GRHL2: variants seen among roughly 807,000 people sequenced by gnomAD.
The protein encoded by GRHL2 is grainyhead like transcription factor 2, also known as grainyhead-like protein 2 homolog.
A neutral mutation model predicts 83.8 loss-of-function variants in GRHL2; 21 were observed. That is an observed-to-expected ratio of 0.25 (90% confidence interval 0.18 to 0.36). The LOEUF (loss-of-function observed/expected upper bound fraction) is 0.36, where lower values mean the gene tolerates loss of function less well. Ranked by LOEUF, GRHL2 falls within the 10% of genes least tolerant of loss-of-function variation. The pLI is 1.00. For synonymous variants in GRHL2, 280 were observed against 278.9 expected, an observed-to-expected ratio of 1.00 and a Z score of -0.04; for missense variants, 623 against 781.8, an observed-to-expected ratio of 0.80 and a Z score of 2.42.
intron 4 of GRHL2, chr8:101,562,047 T>C: frequency 1.3e-6 from 1 of 765,708 alleles, no homozygotes. Context: ...GTTGTACCAT[T>C]TTCTCTTCCA....
chr8:101,663,614 A>AAAATAAATAAAT (rs147519589), intron 14 of GRHL2, among the ~76,000 whole-genome samples: 1,790 of 133,928 alleles, frequency 0.013, 21 homozygotes, highest in African/African-American at 0.041. Flanking sequence ...TCCATCTCAA[A>AAAATAAATAAAT]AAATAAATAA....
chr8:101,659,796 A>G (rs537806826), intron 14 of GRHL2, among the ~76,000 whole-genome samples: 3 of 152,296 alleles, frequency 2.0e-5, no homozygotes, highest in South Asian at 4.1e-4. Context: ...TCAACTGTAC[A>G]TTATTGAGTG....
At chr8:101,675,742 G>T in the GRHL2 span, among the ~76,000 whole-genome samples, 1 of 152,034 alleles carries the variant, frequency 6.6e-6, no homozygotes, top group African/African-American at 2.4e-5. Context: ...AAAAGAGCCC[G>T]CATTGCCAAG....
intron 14 of GRHL2, among the ~76,000 whole-genome samples, chr8:101,652,524 G>GTT (rs773720768): frequency 1.6e-4 from 14 of 88,800 alleles, no homozygotes; most frequent in South Asian, 1.3e-3. Flanking sequence ...TGTGTGTGGT[G>GTT]TGTGTGTGGT....
At chr8:101,521,477 T>C (rs957386684) in intron 1 of GRHL2, among the ~76,000 whole-genome samples, 1 of 152,198 alleles carries the variant, frequency 6.6e-6, no homozygotes, top group Non-Finnish European at 1.5e-5. Context: ...ATATTTTCTC[T>C]TGTAGCACCC....
At chr8:101,580,158 G>A (rs1812020249) in intron 7 of GRHL2, among the ~76,000 whole-genome samples, 1 of 152,010 alleles carries the variant, frequency 6.6e-6, no homozygotes, top group Non-Finnish European at 1.5e-5. Flanking sequence ...GCTAAAGCAA[G>A]GGTTCTTTTT....
At chr8:101,499,457 A>G (rs1338372978) in intron 1 of GRHL2, among the ~76,000 whole-genome samples, 1 of 144,008 alleles carries the variant, frequency 6.9e-6, no homozygotes, top group East Asian at 2.0e-4. Flanking sequence ...TTTTCCTCCC[A>G]TATTAACTTG....
intron 7 of GRHL2, among the ~76,000 whole-genome samples, chr8:101,580,685 TTTTTATTTATTTTA>T (rs1281896943): frequency 7.9e-5 from 12 of 152,160 alleles, no homozygotes; most frequent in African/African-American, 2.2e-4. Context: ...ACCATTTTTA[TTTTTATTTATTTTA>T]TTTTATTTAT....
intron 13 of GRHL2, among the ~76,000 whole-genome samples, chr8:101,647,730 A>G (rs558038591): frequency 2.1e-4 from 26 of 124,352 alleles, no homozygotes; most frequent in Admixed American, 8.9e-4. Flanking sequence ...ATACCTGTTC[A>G]TTATTTTCTT....
intron 11 of GRHL2, among the ~76,000 whole-genome samples, chr8:101,634,440 A>G (rs936393542): frequency 1.3e-5 from 2 of 152,190 alleles, no homozygotes; most frequent in African/African-American, 4.8e-5. Context: ...AGGCAGTGCC[A>G]TGGCCTTAGA....
At chr8:101,609,293 G>A (rs1389028128) in intron 8 of GRHL2, among the ~76,000 whole-genome samples, 1 of 150,428 alleles carries the variant, frequency 6.6e-6, no homozygotes, top group Non-Finnish European at 1.5e-5. Flanking sequence ...TCAAACTGTG[G>A]TCCTCAACAA....
chr8:101,676,887 A>C, the GRHL2 span, among the ~76,000 whole-genome samples: 1 of 152,150 alleles, frequency 6.6e-6, no homozygotes, highest in Non-Finnish European at 1.5e-5. Flanking sequence ...AGCTATAAAA[A>C]ATGATGAGTT....
intron 7 of GRHL2, among the ~76,000 whole-genome samples, chr8:101,585,594 T>C (rs1311208068): frequency 6.6e-6 from 1 of 152,192 alleles, no homozygotes; most frequent in Non-Finnish European, 1.5e-5. Flanking sequence ...CATCCGCCCT[T>C]GCTGTTATCA....
At chr8:101,525,348 G>T (rs1443748395) in intron 1 of GRHL2, among the ~76,000 whole-genome samples, 1 of 152,104 alleles carries the variant, frequency 6.6e-6, no homozygotes, top group Non-Finnish European at 1.5e-5. Context: ...TGAAGTCCCA[G>T]AAGAGTTTGT....
intron 12 of GRHL2, 92 bp downstream of exon 12, chr8:101,637,020 G>A: frequency 2.7e-6 from 3 of 1,124,242 alleles, no homozygotes; most frequent in Non-Finnish European, 4.1e-6. Flanking sequence ...TAGGCAGGAA[G>A]TGAAACCCTC....
chr8:101,549,963 C>T (rs1811344355), intron 2 of GRHL2, among the ~76,000 whole-genome samples: 1 of 151,734 alleles, frequency 6.6e-6, no homozygotes, highest in African/African-American at 2.4e-5. Flanking sequence ...ACTAAGTGCT[C>T]TCTAGTGGGG....
In GRHL2 at chr8:101,667,436, T is replaced by C. The variant is rs1318532478; in HGVS notation, c.*733T>C. ...GAGGAGACACAGACCTGGAGACCGT[T>C]TTAATGGGGGTTTTTGCCTCTGTGC... is the stretch of plus-strand genomic sequence containing the variant. On this transcript the variant is annotated 3_prime_UTR_variant, in exon 16 of 16. Transcript: ENST00000646743. 1 of 153,242 alleles carries C rather than the reference T, an allele frequency of 6.5e-6. No homozygotes were observed. The highest frequency in any genetic ancestry group is 1.5e-5 in the Non-Finnish European group (1 of 68,566). The allele number at this position is 153,242 out of a possible 1,614,324, so 9.5% of individuals were successfully genotyped here.
intron 8 of GRHL2, among the ~76,000 whole-genome samples, chr8:101,617,665 C>T (rs578044762): frequency 3.9e-5 from 6 of 152,208 alleles, no homozygotes; most frequent in African/African-American, 1.2e-4. Context: ...CCACCACACT[C>T]GGCTAATTTT....
At chr8:101,507,224 GTTACT>G (rs1810358676) in intron 1 of GRHL2, among the ~76,000 whole-genome samples, 1 of 133,118 alleles carries the variant, frequency 7.5e-6, no homozygotes, top group South Asian at 2.7e-4. Context: ...ATTTCAACTT[GTTACT>G]TTAATTTCAA....
Sources: gnomAD v4.1 joint callset for allele counts (sites outside exome capture counted in the v4.1 genomes callset) on GRCh38, gnomAD v4.1.1 for gene constraint, MANE v1.5 for transcripts, NCBI Gene and HGNC (gene_info 2026-07-23, HGNC 2026-07-21) for gene names.